DNM3: variants seen among roughly 807,000 people sequenced by gnomAD.
DNM3 encodes the protein dynamin-3.
DNM3 carries 47 observed loss-of-function variants against 101.6 expected under a neutral mutation model. That is an observed-to-expected ratio of 0.46 (90% CI 0.37 to 0.59). The LOEUF is 0.59. Among genes scored for constraint, DNM3 ranks in the 20% least tolerant of loss-of-function variants. The probability of loss-of-function intolerance (pLI) is 0.00; values close to 1 mark genes in which losing one functional copy is unlikely to be tolerated. For missense variants in DNM3, 849 were observed against 1,085.7 expected (o/e 0.78, Z 3.06); for synonymous variants, 385 against 387.9 (o/e 0.99, Z 0.09).
In DNM3 at chr1:172,388,812, A is replaced by G; in HGVS notation, c.2522+3A>G. ...AGGGCCCCGCCCAGTGTCCCAAGGTAAGGCATGGAGCAGAAATTGGGGGGG... is the reference window on the plus strand; with the variant it reads ...AGGGCCCCGCCCAGTGTCCCAAGGTGAGGCATGGAGCAGAAATTGGGGGGG... On this transcript the variant is annotated splice_donor_region_variant and intron_variant, in intron 20 of 20. Coordinates refer to ENST00000627582, the MANE Select transcript of DNM3 (RefSeq NM_015569.5). 1.9e-6 allele frequency: 3 copies of G among 1,568,332 alleles called. No homozygotes were observed. The highest frequency in any genetic ancestry group is 2.6e-6 in the Non-Finnish European group (3 of 1,155,948).
At chr1:172,203,997 G>C (rs2060242962) in intron 14 of DNM3, among the ~76,000 whole-genome samples, 1 of 152,114 alleles carries the variant, frequency 6.6e-6, no homozygotes, top group Non-Finnish European at 1.5e-5. Flanking sequence ...CTGGTACCAA[G>C]GGTGTCATTG....
intron 14 of DNM3, among the ~76,000 whole-genome samples, chr1:172,239,017 T>C (rs1445882719): frequency 6.6e-6 from 1 of 152,162 alleles, no homozygotes; most frequent in Non-Finnish European, 1.5e-5. Context: ...TTCTGCACAA[T>C]CCACTGTGAG....
intron 17 of DNM3, among the ~76,000 whole-genome samples, chr1:172,354,906 C>A (rs1264732000): frequency 6.6e-6 from 1 of 152,096 alleles, no homozygotes; most frequent in Non-Finnish European, 1.5e-5. Context: ...TAAAAAGCTA[C>A]ACCTTCAGTG....
rs71561600 is a variant in DNM3, at chr1:171,944,855, C to CTTTTTTTTTT, written c.235+23051_235+23060dup. On this transcript the variant is annotated intron_variant, in intron 2 of 20. Transcript: ENST00000627582. Reference sequence around the variant, plus strand: ...TTGTTTTCTTTTTTTTTGGTGTTTCCTTTTTTTTTTTTTTTTTTTTTTTTT... The same window carrying CTTTTTTTTTT: ...TTGTTTTCTTTTTTTTTGGTGTTTCCTTTTTTTTTTTTTTTTTTTTTTTTTTTTTTTTTTT... Among the ~76,000 whole-genome samples, 3 of 87,424 alleles carry CTTTTTTTTTT rather than the reference C, an allele frequency of 3.4e-5. 1 individual carries two copies. The highest frequency in any genetic ancestry group is 6.6e-5 in the Non-Finnish European group (3 of 45,436). 57.4% of individuals were successfully genotyped at this position (87,424 alleles called of 152,430 possible). A position where few individuals can be genotyped will look rare whatever the true frequency, so the allele number is the denominator to read the frequency against.
At chr1:172,304,742 C>G (rs2148860811) in intron 15 of DNM3, among the ~76,000 whole-genome samples, 1 of 152,306 alleles carries the variant, frequency 6.6e-6, no homozygotes, top group East Asian at 1.9e-4. Flanking sequence ...CTCAAAACCG[C>G]TCAACTACAT....
chr1:171,987,650 T>A lies in DNM3; in HGVS notation c.236-6T>A. 1.3e-6 allele frequency: 2 copies of A among 1,558,214 alleles called. No individual in the cohort carries two copies. ...AAGTTGTGTCATTTTGGTTTTATTT[T>A]TGTAGAATATGCCGAGTTTCTACAT... On this transcript the variant is annotated splice_region_variant and splice_polypyrimidine_tract_variant and intron_variant, in intron 2 of 20. Coordinates refer to ENST00000627582, the MANE Select transcript of DNM3 (RefSeq NM_015569.5).
chr1:172,412,544 TC>T lies in DNM3; in HGVS notation c.*4705del, dbSNP rs887331048. The T allele has an allele frequency of 7.1e-4, 701 of 985,780 alleles. 3 individuals are homozygous for T. In the African/African-American group the frequency reaches 0.011, roughly 16 times the overall value. The allele number at this position is 985,780 out of a possible 1,614,324, so 61.1% of individuals were successfully genotyped here. A position where few individuals can be genotyped will look rare whatever the true frequency, so the allele number is the denominator to read the frequency against. On this transcript the variant is annotated 3_prime_UTR_variant, in exon 21 of 21. Transcript: ENST00000627582. ...TTTAATTAATATGAGCCGGATACTTTCCACTGTCTTCTTGGCACTTTCAGGA... is the reference window on the plus strand; with the variant it reads ...TTTAATTAATATGAGCCGGATACTTTCACTGTCTTCTTGGCACTTTCAGGA...
chr1:172,245,369 C>T (rs1321333483), intron 14 of DNM3, among the ~76,000 whole-genome samples: 1 of 152,156 alleles, frequency 6.6e-6, no homozygotes, highest in African/African-American at 2.4e-5. Flanking sequence ...AAGACAAAAG[C>T]ACAAAGTGAC....
chr1:172,153,508 G>A (rs746995980), intron 14 of DNM3, among the ~76,000 whole-genome samples: 8 of 152,012 alleles, frequency 5.3e-5, no homozygotes, highest in Non-Finnish European at 1.2e-4. Flanking sequence ...CAGTAAAACA[G>A]GCTTATTAGT....
At chr1:172,270,045 G>C (rs1345829650) in intron 15 of DNM3, among the ~76,000 whole-genome samples, 1 of 152,042 alleles carries the variant, frequency 6.6e-6, no homozygotes, top group Non-Finnish European at 1.5e-5. Flanking sequence ...ATAACATGTA[G>C]AATATAGTAA....
At chr1:171,979,475 G>A (rs1475979978) in intron 2 of DNM3, among the ~76,000 whole-genome samples, 2 of 152,136 alleles carry the variant, frequency 1.3e-5, no homozygotes, top group Non-Finnish European at 2.9e-5. Context: ...AATAAACTAT[G>A]AGTATAAAAT....
At chr1:172,379,236 G>A (rs2068765205) in intron 18 of DNM3, 54 bp downstream of exon 18, 47 of 1,399,504 alleles carry the variant, frequency 3.4e-5, no homozygotes, top group Non-Finnish European at 4.5e-5. Context: ...GAGTGTGGAA[G>A]TTGCACATAT....
intron 15 of DNM3, among the ~76,000 whole-genome samples, chr1:172,294,240 T>G (rs1382906040): frequency 6.6e-6 from 1 of 152,234 alleles, no homozygotes; most frequent in Non-Finnish European, 1.5e-5. Flanking sequence ...AATGTGTCCC[T>G]CTTTTAATTG....
At chr1:172,001,521 G>C (rs1290801964) in intron 4 of DNM3, among the ~76,000 whole-genome samples, 6 of 152,000 alleles carry the variant, frequency 3.9e-5, no homozygotes, top group Admixed American at 3.9e-4. Context: ...TACCCATCCA[G>C]TTTGTCATCT....
At chr1:172,025,327 A>G (rs374768079) in intron 4 of DNM3, among the ~76,000 whole-genome samples, 3 of 152,158 alleles carry the variant, frequency 2.0e-5, no homozygotes, top group Non-Finnish European at 2.9e-5. Flanking sequence ...TAAAACTCCT[A>G]TCTTCCTAGG....
intron 14 of DNM3, among the ~76,000 whole-genome samples, chr1:172,235,762 G>A (rs938422912): frequency 5.3e-5 from 8 of 151,924 alleles, no homozygotes; most frequent in African/African-American, 1.7e-4. Flanking sequence ...ACCAAACACC[G>A]CATGTTCTCA....
chr1:172,267,673 T>G (rs1299371802), intron 15 of DNM3, among the ~76,000 whole-genome samples: 1 of 152,156 alleles, frequency 6.6e-6, no homozygotes, highest in South Asian at 2.1e-4. Flanking sequence ...TAAATCTTTA[T>G]TTCTTGGTTC....
chr1:172,048,553 A>G, intron 9 of DNM3, 59 bp from the exon 10 acceptor site: 1 of 1,530,354 alleles, frequency 6.5e-7, no homozygotes. Context: ...TTTTCAAAAG[A>G]TTTTTGAATA....
chr1:171,991,282 G>A (rs931906888), intron 4 of DNM3, among the ~76,000 whole-genome samples: 4 of 152,062 alleles, frequency 2.6e-5, no homozygotes, highest in Admixed American at 2.6e-4. Context: ...CACTGATTGA[G>A]GGTTCAGTCC....
Sources: gnomAD v4.1 joint callset for allele counts (sites outside exome capture counted in the v4.1 genomes callset) on GRCh38, gnomAD v4.1.1 for gene constraint, MANE v1.5 for transcripts, NCBI Gene and HGNC (gene_info 2026-07-23, HGNC 2026-07-21) for gene names.